The following KIF21A variants were observed in gnomAD, a reference collection of about 807,000 sequenced individuals.
KIF21A encodes the protein kinesin-like protein KIF21A.
A neutral mutation model predicts 202.9 loss-of-function variants in KIF21A; 114 were observed. That is an observed-to-expected ratio of 0.56 (90% confidence interval 0.48 to 0.66). The LOEUF is 0.66. Ranked by LOEUF, KIF21A falls within the 30% of genes least tolerant of loss-of-function variation. KIF21A has a pLI of 0.00. For synonymous variants in KIF21A, 667 were observed against 670.8 expected (o/e 0.99, Z 0.09); for missense variants, 1,677 against 1,994.9 (o/e 0.84, Z 3.04).
intron 1 of KIF21A, among the ~76,000 whole-genome samples, chr12:39,403,943 CAA>C (rs1952376919): frequency 6.6e-6 from 1 of 152,178 alleles, no homozygotes; most frequent in Non-Finnish European, 1.5e-5. Flanking sequence ...TGCTACCTGT[CAA>C]AAGTTTCTCA....
intron 1 of KIF21A, among the ~76,000 whole-genome samples, chr12:39,401,244 T>C (rs1473384536): frequency 2.0e-5 from 3 of 152,010 alleles, no homozygotes; most frequent in Non-Finnish European, 2.9e-5. Flanking sequence ...CAAGGAAAAA[T>C]AGACATTCAT....
At chr12:39,406,255 T>C (rs971234008) in intron 1 of KIF21A, among the ~76,000 whole-genome samples, 2 of 152,168 alleles carry the variant, frequency 1.3e-5, no homozygotes, top group African/African-American at 4.8e-5. Context: ...TGAAAACATC[T>C]CAAGGTCATT....
chr12:39,307,672 T>C lies in KIF21A; in HGVS notation c.4335A>G (p.Val1445=). 1 of 1,614,052 alleles carries C rather than the reference T, an allele frequency of 6.2e-7. No individual in the cohort carries two copies. The highest frequency in any genetic ancestry group is 8.5e-7 in the Non-Finnish European group (1 of 1,179,922). ...DACSASTSRT[V]AIPSGENQIN... is the part of the protein sequence containing the mutation. The stretch of plus-strand genomic sequence containing the variant: ...TCTGGTTCTCTCCAGAAGGAATAGC[T>C]ACTGTTCGACTGGTACTTGCAGAAC... The change falls in exon 34 of 38, where the codon GTA becomes GTG. Residue 1445 remains valine, a synonymous_variant. Transcript: ENST00000361418.
intron 1 of KIF21A, among the ~76,000 whole-genome samples, chr12:39,382,993 G>A (rs912500837): frequency 2.6e-5 from 4 of 152,126 alleles, no homozygotes; most frequent in Non-Finnish European, 5.9e-5. Flanking sequence ...ATACAATTCT[G>A]ACCAGTTTAA....
intron 1 of KIF21A, among the ~76,000 whole-genome samples, chr12:39,431,127 G>A (rs1466459338): frequency 1.3e-5 from 2 of 152,212 alleles, no homozygotes; most frequent in Non-Finnish European, 2.9e-5. Flanking sequence ...ATGGGGTAAA[G>A]TAGAAAGCTG....
chr12:39,391,307 A>AT (rs5797622), intron 1 of KIF21A, among the ~76,000 whole-genome samples: 2 of 150,884 alleles, frequency 1.3e-5, no homozygotes, highest in Non-Finnish European at 3.0e-5. Flanking sequence ...AATAAAAAAA[A>AT]TTTTTTTTTT....
At position 39,400,937 on chromosome 12, in the gene KIF21A, T is replaced by A. The variant is rs540214453; in HGVS notation, c.45-30676A>T. 2.0e-5 allele frequency among the ~76,000 whole-genome samples: 3 copies of A among 151,970 alleles called. No homozygotes were observed. The South Asian group carries it at 6.2e-4, about 32-fold the overall frequency. ...ATCTTCTGCTCAGGTTTCACAAAGGTTCCTAGAGACAAGTGATTTTTATAT... is the reference window on the plus strand; with the variant it reads ...ATCTTCTGCTCAGGTTTCACAAAGGATCCTAGAGACAAGTGATTTTTATAT... On this transcript the variant is annotated intron_variant, in intron 1 of 37. Coordinates refer to ENST00000361418, the MANE Select transcript of KIF21A (RefSeq NM_001173464.2).
Position 39,332,303 on chromosome 12 carries a change from CTTCA to C in KIF21A, c.2958_2961del (p.Asn986LysfsTer6). The C allele has an allele frequency of 6.2e-7, 1 of 1,613,362 alleles. No homozygotes were observed. The highest frequency in any genetic ancestry group is 8.5e-7 in the Non-Finnish European group (1 of 1,179,438). ...ATATTAGCAGTCAGTGACTCCATCTCTTCATTGATATTAGCCACATTTTTATCTC... is the reference window on the plus strand; with the variant it reads ...ATATTAGCAGTCAGTGACTCCATCTCTTGATATTAGCCACATTTTTATCTC... On this transcript the variant is annotated frameshift_variant, in exon 21 of 38. Transcript: ENST00000361418. LOFTEE classifies it high-confidence loss of function.
At chr12:39,330,089 G>T in intron 24 of KIF21A, 153 bp downstream of exon 24, 1 of 668,576 alleles carries the variant, frequency 1.5e-6, no homozygotes, top group Non-Finnish European at 2.7e-6. Flanking sequence ...GACTTAGTGT[G>T]TTTGTGGGCA....
chr12:39,323,939 TC>T (rs1945568057), intron 26 of KIF21A, among the ~76,000 whole-genome samples: 1 of 151,902 alleles, frequency 6.6e-6, no homozygotes. Context: ...TGAAACCCCT[TC>T]TCTACCAAAA....
chr12:39,319,490 T>C (rs964791074), intron 28 of KIF21A, among the ~76,000 whole-genome samples: 4 of 152,100 alleles, frequency 2.6e-5, no homozygotes, highest in African/African-American at 9.7e-5. Flanking sequence ...TAATATTAGT[T>C]TTTCTGTCAG....
chr12:39,413,416 C>T (rs1953276511), intron 1 of KIF21A, among the ~76,000 whole-genome samples: 1 of 152,152 alleles, frequency 6.6e-6, no homozygotes, highest in African/African-American at 2.4e-5. Context: ...CTTTGCGTTC[C>T]TTGACCAGGT....
intron 1 of KIF21A, among the ~76,000 whole-genome samples, chr12:39,405,859 A>G (rs146877393): frequency 6.6e-6 from 1 of 152,244 alleles, no homozygotes; most frequent in Non-Finnish European, 1.5e-5. Flanking sequence ...ATATGCAATA[A>G]GAAAAATAAT....
chr12:39,368,152 T>G (rs1159181586), intron 3 of KIF21A, 120 bp from the exon 4 acceptor site: 1 of 665,144 alleles, frequency 1.5e-6, no homozygotes, highest in Non-Finnish European at 2.6e-6. Flanking sequence ...ATGACATATT[T>G]TTTCAAAATA....
intron 1 of KIF21A, among the ~76,000 whole-genome samples, chr12:39,431,562 T>C (rs1479771838): frequency 6.6e-6 from 1 of 152,210 alleles, no homozygotes; most frequent in African/African-American, 2.4e-5. Context: ...TGTGGCTTTA[T>C]TGAGGACTGA....
chr12:39,317,327 C>CAATAATAAA (rs764779312), intron 29 of KIF21A, among the ~76,000 whole-genome samples: 2 of 152,042 alleles, frequency 1.3e-5, no homozygotes, highest in Non-Finnish European at 2.9e-5. Context: ...TTGATTTATA[C>CAATAATAAA]AGGGAGGCAA....
chr12:39,297,724 CTTAAA>C (rs1428536566), intron 37 of KIF21A, among the ~76,000 whole-genome samples: 2 of 149,952 alleles, frequency 1.3e-5, no homozygotes, highest in Admixed American at 6.6e-5. Flanking sequence ...TACCCTAAAA[CTTAAA>C]TTAAAAAAAA....
chr12:39,417,966 G>T (rs1375370395), intron 1 of KIF21A, among the ~76,000 whole-genome samples: 1 of 152,066 alleles, frequency 6.6e-6, no homozygotes, highest in Admixed American at 6.6e-5. Flanking sequence ...CCAGCACTTT[G>T]GGAGGCTAAG....
chr12:39,359,911 T>C (rs971646675), intron 7 of KIF21A, among the ~76,000 whole-genome samples: 8 of 152,308 alleles, frequency 5.3e-5, no homozygotes, highest in East Asian at 3.9e-4. Context: ...TCATTGAGTA[T>C]AGATCAGTTC....
Sources: allele counts gnomAD v4.1 joint callset (sites outside exome capture counted in the v4.1 genomes callset), GRCh38; gene constraint gnomAD v4.1.1; transcripts MANE v1.5; gene names NCBI Gene and HGNC (gene_info 2026-07-23, HGNC 2026-07-21).